TSHZ2: variants seen among roughly 807,000 people sequenced by gnomAD.
TSHZ2 encodes teashirt homolog 2.
Under a neutral mutation model 74.4 loss-of-function variants are expected in TSHZ2, and 21 were observed. The observed-to-expected ratio is 0.28, with a 90% CI of 0.20 to 0.41. The LOEUF (loss-of-function observed/expected upper bound fraction) is 0.41, where lower values mean the gene tolerates loss of function less well. Ranked by LOEUF, TSHZ2 falls within the 10% of genes least tolerant of loss-of-function variation. The probability of loss-of-function intolerance (pLI) is 1.00; values close to 1 mark genes in which losing one functional copy is unlikely to be tolerated. For missense variants in TSHZ2, 1,244 were observed against 1,293.5 expected (o/e 0.96, Z 0.59); for synonymous variants, 540 against 515.3 (o/e 1.05, Z -0.65).
chr20:53,471,179 T>C (rs1456367153), intron 2 of TSHZ2, among the ~76,000 whole-genome samples: 4 of 152,244 alleles, frequency 2.6e-5, no homozygotes, highest in Non-Finnish European at 4.4e-5. Context: ...GTTGTTTCTT[T>C]CATAGAATTA....
chr20:53,455,229 C>G (rs1985008603), intron 2 of TSHZ2: 2 of 152,250 alleles, frequency 1.3e-5, no homozygotes, highest in South Asian at 4.2e-4. Flanking sequence ...GTCCCATCAC[C>G]CTGCTTACGG....
chr20:53,086,939 A>T lies in TSHZ2; in HGVS notation c.40+113606A>T, dbSNP rs141623712. 8.6e-4 allele frequency among the ~76,000 whole-genome samples: 131 copies of T among 152,330 alleles called. 2 individuals carry two copies. In the East Asian group the frequency reaches 0.022, roughly 25 times the overall value. The stretch of plus-strand genomic sequence containing the variant: ...GCATGTTAGACGTGAAATGCTAAGG[A>T]GAAAACAAAGCCAAGAAGATGGTAG... On this transcript the variant is annotated intron_variant, in intron 1 of 2. Coordinates refer to ENST00000371497, the MANE Select transcript of TSHZ2 (RefSeq NM_173485.6).
intron 1 of TSHZ2, among the ~76,000 whole-genome samples, chr20:53,141,678 G>A (rs565271308): frequency 6.6e-6 from 1 of 152,278 alleles, no homozygotes; most frequent in African/African-American, 2.4e-5. Context: ...CACCTTTCCT[G>A]CACCTATCCG....
At chr20:53,224,902 ATGTGTACCC>A (rs1291580593) in intron 1 of TSHZ2, among the ~76,000 whole-genome samples, 5 of 151,936 alleles carry the variant, frequency 3.3e-5, no homozygotes, top group African/African-American at 1.2e-4. Flanking sequence ...TCATTGGGTT[ATGTGTACCC>A]TGTCCCACAA....
intron 2 of TSHZ2, among the ~76,000 whole-genome samples, chr20:53,468,380 CT>C (rs1985624151): frequency 6.6e-6 from 1 of 152,158 alleles, no homozygotes; most frequent in Admixed American, 6.5e-5. Context: ...AAAAGATTTT[CT>C]GCTGCCATTG....
chr20:53,373,294 G>T (rs1309938489), intron 2 of TSHZ2, among the ~76,000 whole-genome samples: 1 of 152,158 alleles, frequency 6.6e-6, no homozygotes, highest in Admixed American at 6.5e-5. Flanking sequence ...GCTCTAAGAG[G>T]AATGATAAAT....
chr20:53,246,243 A>G (rs1334394181), intron 1 of TSHZ2, among the ~76,000 whole-genome samples: 1 of 151,750 alleles, frequency 6.6e-6, no homozygotes, highest in African/African-American at 2.4e-5. Context: ...GGTTTTCACC[A>G]TGTTGGCCAG....
intron 1 of TSHZ2, among the ~76,000 whole-genome samples, chr20:53,248,139 C>T (rs1286778583): frequency 1.3e-5 from 2 of 152,166 alleles, no homozygotes; most frequent in Non-Finnish European, 2.9e-5. Context: ...GGCGTGATCA[C>T]AGCTCACTGC....
At chr20:52,974,561 G>A (rs1307477452) in intron 1 of TSHZ2, among the ~76,000 whole-genome samples, 1 of 152,058 alleles carries the variant, frequency 6.6e-6, no homozygotes. Flanking sequence ...CATTAGGTAA[G>A]ACTGGTCTTC....
intron 1 of TSHZ2, among the ~76,000 whole-genome samples, chr20:53,223,008 T>A (rs1157783930): frequency 6.6e-6 from 1 of 152,220 alleles, no homozygotes; most frequent in Non-Finnish European, 1.5e-5. Context: ...AATGAAAAAT[T>A]CCTTTCTTCA....
chr20:52,984,583 G>C (rs545156972), intron 1 of TSHZ2, among the ~76,000 whole-genome samples: 64 of 152,284 alleles, frequency 4.2e-4, no homozygotes, highest in Admixed American at 1.1e-3. Context: ...AGGGTGAGCA[G>C]GGAGGGTAAA....
chr20:53,189,572 T>C (rs1183431960), intron 1 of TSHZ2, among the ~76,000 whole-genome samples: 1 of 152,212 alleles, frequency 6.6e-6, no homozygotes, highest in Non-Finnish European at 1.5e-5. Flanking sequence ...TGGCACATTA[T>C]AAGCACCATA....
intron 1 of TSHZ2, among the ~76,000 whole-genome samples, chr20:53,076,128 A>G (rs971403883): frequency 3.9e-5 from 6 of 152,224 alleles, no homozygotes; most frequent in Non-Finnish European, 5.9e-5. Flanking sequence ...AACACAAAGA[A>G]TTTTTTGAAG....
At chr20:53,253,337 A>G (rs1990370927) in intron 1 of TSHZ2, among the ~76,000 whole-genome samples, 162 bp from the exon 2 acceptor site, 1 of 151,762 alleles carries the variant, frequency 6.6e-6, no homozygotes, top group South Asian at 2.1e-4. Flanking sequence ...ATGGCACGAA[A>G]GACACCATTT....
At chr20:53,378,723 T>A (rs1981751153) in intron 2 of TSHZ2, among the ~76,000 whole-genome samples, 1 of 152,178 alleles carries the variant, frequency 6.6e-6, no homozygotes, top group Admixed American at 6.5e-5. Flanking sequence ...TATTTATTGA[T>A]CACAAAACTT....
chr20:53,047,373 C>T (rs1025151091), intron 1 of TSHZ2, among the ~76,000 whole-genome samples: 2 of 152,148 alleles, frequency 1.3e-5, no homozygotes, highest in Non-Finnish European at 2.9e-5. Flanking sequence ...GCCACCGTAA[C>T]ACAAGGCTTC....
chr20:53,321,626 G>A (rs1979268212), intron 2 of TSHZ2, among the ~76,000 whole-genome samples: 1 of 133,208 alleles, frequency 7.5e-6, no homozygotes, highest in Non-Finnish European at 1.5e-5. Context: ...GGAGGTTGTG[G>A]TGAGCAGAGA....
chr20:53,447,093 AATAG>A (rs1161185792), intron 2 of TSHZ2, among the ~76,000 whole-genome samples: 1 of 152,206 alleles, frequency 6.6e-6, no homozygotes, highest in Non-Finnish European at 1.5e-5. Context: ...GCTCCTTCTC[AATAG>A]TCACAGAATA....
chr20:53,179,258 G>A (rs1988417420), intron 1 of TSHZ2: 1 of 151,908 alleles, frequency 6.6e-6, no homozygotes, highest in Admixed American at 6.6e-5. Context: ...ACCACATCGA[G>A]TCTTGGTCTC....
Sources: allele counts gnomAD v4.1 joint callset (sites outside exome capture counted in the v4.1 genomes callset), GRCh38; gene constraint gnomAD v4.1.1; transcripts MANE v1.5; gene names NCBI Gene and HGNC (gene_info 2026-07-23, HGNC 2026-07-21).